FHOD3: variants seen among roughly 807,000 people sequenced by gnomAD.
The protein encoded by FHOD3 is FH1/FH2 domain-containing protein 3.
Under a neutral mutation model 173.0 loss-of-function variants are expected in FHOD3, and 90 were observed. The observed-to-expected ratio is 0.52, with a 90% CI of 0.44 to 0.62. The LOEUF is 0.62. Ranked by LOEUF, FHOD3 falls within the 20% of genes least tolerant of loss-of-function variation. The pLI, the probability that FHOD3 is intolerant of heterozygous loss-of-function variation, is 0.00. For missense variants in FHOD3, 1,945 were observed against 2,034.7 expected (o/e 0.96, Z 0.85); for synonymous variants, 828 against 823.0 (o/e 1.01, Z -0.10).
intron 1 of FHOD3, among the ~76,000 whole-genome samples, chr18:36,306,261 A>G (rs961562025): frequency 3.9e-5 from 6 of 152,184 alleles, no homozygotes; most frequent in African/African-American, 1.4e-4. Flanking sequence ...AGCACAGTCT[A>G]CAGTGGCCCC....
intron 10 of FHOD3, among the ~76,000 whole-genome samples, chr18:36,644,482 G>A (rs1462219393): frequency 1.3e-5 from 2 of 152,188 alleles, no homozygotes; most frequent in Non-Finnish European, 2.9e-5. Context: ...CAAGGCCAGT[G>A]ATCTGGTCAT....
intron 3 of FHOD3, among the ~76,000 whole-genome samples, chr18:36,396,558 A>G (rs2048563659): frequency 2.0e-5 from 3 of 152,232 alleles, no homozygotes; most frequent in Non-Finnish European, 4.4e-5. Flanking sequence ...TTAAATTCAA[A>G]TGATATTCTT....
chr18:36,382,622 C>G (rs1040926076), intron 3 of FHOD3, among the ~76,000 whole-genome samples: 11 of 152,170 alleles, frequency 7.2e-5, no homozygotes, highest in African/African-American at 2.7e-4. Context: ...ACCCTCAAGG[C>G]CTGTCTACTG....
At chr18:36,495,846 G>A (rs2054717369) in intron 3 of FHOD3, among the ~76,000 whole-genome samples, 1 of 152,214 alleles carries the variant, frequency 6.6e-6, no homozygotes. Flanking sequence ...CACGATGTCT[G>A]TCAGTCATCC....
intron 5 of FHOD3, among the ~76,000 whole-genome samples, chr18:36,517,287 T>C (rs888543228): frequency 6.6e-6 from 1 of 152,208 alleles, no homozygotes; most frequent in Non-Finnish European, 1.5e-5. Context: ...GAGTGGTATA[T>C]TGCTGGGAAC....
At chr18:36,627,033 T>G (rs942005624) in intron 10 of FHOD3, among the ~76,000 whole-genome samples, 9 of 152,234 alleles carry the variant, frequency 5.9e-5, no homozygotes, top group African/African-American at 2.2e-4. Context: ...CTTTTATGTT[T>G]CTGAGAGTCT....
At chr18:36,691,527 C>G (rs575237406) in intron 16 of FHOD3, among the ~76,000 whole-genome samples, 1 of 152,346 alleles carries the variant, frequency 6.6e-6, no homozygotes, top group African/African-American at 2.4e-5. Context: ...GTTCTTGTTA[C>G]TTCCACAGCC....
chr18:36,562,163 C>T lies in FHOD3; in HGVS notation c.512-14288C>T, dbSNP rs377434937. The stretch of plus-strand genomic sequence containing the variant: ...TCCCAAGTAGCTGGGATTACAGGCA[C>T]CCACCATCACTCCCGGCTAATTTTT... On this transcript the variant is annotated intron_variant, in intron 5 of 28. Transcript: ENST00000590592. Among the ~76,000 whole-genome samples the T allele has an allele frequency of 1.1e-3, 162 of 152,072 alleles. 1 individual carries two copies. The highest frequency in any genetic ancestry group is 2.2e-4 in the Non-Finnish European group (15 of 68,020).
chr18:36,410,545 ATTTAGCGTT>A (rs112453920), intron 3 of FHOD3, among the ~76,000 whole-genome samples: 7,971 of 152,274 alleles, frequency 0.052, 694 homozygotes, highest in African/African-American at 0.18. Flanking sequence ...GTAACTCGAC[ATTTAGCGTT>A]TTAAGGAACT....
At chr18:36,703,317 C>G (rs895534924) in intron 17 of FHOD3, among the ~76,000 whole-genome samples, 1 of 152,218 alleles carries the variant, frequency 6.6e-6, no homozygotes, top group South Asian at 2.1e-4. Flanking sequence ...AGGGGCTGAG[C>G]CAGGGAGAGG....
At position 36,412,700 on chromosome 18, in the gene FHOD3, C is replaced by A. The variant is rs139229409; in HGVS notation, c.337+39956C>A. 2.1e-3 allele frequency among the ~76,000 whole-genome samples: 323 copies of A among 152,158 alleles called. 1 individual carries two copies. The highest frequency in any genetic ancestry group is 6.6e-3 in the African/African-American group (276 of 41,534). ...TACTTTTTGCTACAATCATTTCAGG[C>A]TTTTTTTGTTTTAATTAAAGGATGT... On this transcript the variant is annotated intron_variant, in intron 3 of 28. Transcript: ENST00000590592.
chr18:36,378,015 A>G (rs889401733), intron 3 of FHOD3, among the ~76,000 whole-genome samples: 3 of 152,150 alleles, frequency 2.0e-5, no homozygotes, highest in African/African-American at 7.2e-5. Context: ...CTAAGCTCAC[A>G]GTGTCCTTGC....
chr18:36,562,830 A>G (rs78304881), intron 5 of FHOD3, among the ~76,000 whole-genome samples: 1,847 of 152,298 alleles, frequency 0.012, 43 homozygotes, highest in African/African-American at 0.041. Context: ...GACCAACACC[A>G]ATGCCAGGTC....
intron 20 of FHOD3, among the ~76,000 whole-genome samples, chr18:36,739,181 C>A (rs1302471636): frequency 1.3e-5 from 2 of 152,194 alleles, no homozygotes; most frequent in Non-Finnish European, 2.9e-5. Context: ...AGGGCAAGAC[C>A]AAAAACTTAC....
intron 1 of FHOD3, among the ~76,000 whole-genome samples, chr18:36,310,694 A>T (rs2092234209): frequency 6.6e-6 from 1 of 151,892 alleles, no homozygotes; most frequent in Non-Finnish European, 1.5e-5. Flanking sequence ...TCTCAAAAAA[A>T]AAAAAAAGAA....
intron 1 of FHOD3, among the ~76,000 whole-genome samples, chr18:36,313,054 T>G (rs2092294042): frequency 6.6e-6 from 1 of 152,154 alleles, no homozygotes; most frequent in Non-Finnish European, 1.5e-5. Context: ...GTCAATGGTC[T>G]CTCCCCAGGG....
chr18:36,652,954 G>C (rs1240031614), intron 12 of FHOD3, 25 bp downstream of exon 12: 4 of 1,514,264 alleles, frequency 2.6e-6, no homozygotes, highest in Non-Finnish European at 3.5e-6. Flanking sequence ...CTGGAGGCTT[G>C]TTTGAGATTA....
chr18:36,385,150 T>C (rs2047968485), intron 3 of FHOD3, among the ~76,000 whole-genome samples: 1 of 152,220 alleles, frequency 6.6e-6, no homozygotes, highest in African/African-American at 2.4e-5. Flanking sequence ...GGGAAATACA[T>C]TGTGGAACTC....
chr18:36,719,237 C>T lies in FHOD3; in HGVS notation c.3417+522C>T, dbSNP rs1345720180. On this transcript the variant is annotated intron_variant, in intron 19 of 28. Transcript: ENST00000590592. ...CTGCAGCTATCTAGTTTTCCAGCAG[C>T]CGTATATTTGGCATCCTGTCAATAT... Among the ~76,000 whole-genome samples the T allele has an allele frequency of 2.0e-5, 3 of 152,188 alleles. No homozygotes were observed. The South Asian group carries it at 6.2e-4, about 32-fold the overall frequency.
Sources: gnomAD v4.1 joint callset for allele counts (sites outside exome capture counted in the v4.1 genomes callset) on GRCh38, gnomAD v4.1.1 for gene constraint, MANE v1.5 for transcripts, NCBI Gene and HGNC (gene_info 2026-07-23, HGNC 2026-07-21) for gene names.